Variants in SH3D21 observed in about 807,000 individuals in gnomAD.
SH3D21 encodes the protein manchette microtubule inner protein 1, also known as SH3 domain-containing protein 21.
SH3D21 carries 83 observed loss-of-function variants against 82.1 expected under a neutral mutation model. That is an observed-to-expected ratio of 1.01 (90% CI 0.85 to 1.21). The LOEUF (loss-of-function observed/expected upper bound fraction) is 1.21. SH3D21 is among the 50% of genes most tolerant of loss of function. The probability of loss-of-function intolerance (pLI) is 0.00; values close to 1 mark genes in which losing one functional copy is unlikely to be tolerated. For missense variants in SH3D21, 980 were observed against 962.1 expected (o/e 1.02, Z -0.25); for synonymous variants, 383 against 387.8 (o/e 0.99, Z 0.15).
downstream of SH3D21, among the ~76,000 whole-genome samples, chr1:36,326,422 G>C (rs749702790): frequency 1.8e-4 from 27 of 152,168 alleles, no homozygotes; most frequent in Non-Finnish European, 2.9e-4. Context: ...GTAGAGATGG[G>C]GTTTCTCCAT....
downstream of SH3D21, chr1:36,327,873 C>G (rs1646560693): frequency 1.6e-6 from 2 of 1,290,068 alleles, no homozygotes; most frequent in Non-Finnish European, 2.0e-6. Flanking sequence ...TCCCCACCCC[C>G]TGCCTAGCTG....
At chr1:36,322,268 G>T (rs1480682251), downstream of SH3D21, 2 of 1,470,886 alleles carry the variant, frequency 1.4e-6, no homozygotes, top group African/African-American at 2.9e-5. Flanking sequence ...GGTACCCCGA[G>T]CGCCTTGCAG....
Position 36,321,072 on chromosome 1 carries a change from G to A in SH3D21, c.2216G>A (p.Gly739Glu), listed in dbSNP as rs774313017. 2 of 1,612,154 alleles carry A rather than the reference G, an allele frequency of 1.2e-6. No homozygotes were observed. The highest frequency in any genetic ancestry group is 3.3e-5 in the Admixed American group (2 of 59,880). The change falls in exon 16 of 16, where the codon GGG becomes GAG. Residue 739 changes from glycine to glutamate, a missense_variant. Coordinates refer to ENST00000453908, the MANE Select transcript of SH3D21 (RefSeq NM_001162530.2). This position sits in a 1 kb window ranked among gnomAD's most constrained non-coding sequence, Gnocchi z 6.1. Reference protein sequence around the residue: ...RRRLEVQVMQGTQKSQTPRVI... With the variant: ...RRRLEVQVMQETQKSQTPRVI... ...CCCGACCAGGTCCAGGTGATGCAGG[G>A]GACCCAGAAGTCCCAGACCCCGCGC...
At chr1:36,315,934 G>A (rs1376108927) in intron 10 of SH3D21, among the ~76,000 whole-genome samples, 1 of 152,138 alleles carries the variant, frequency 6.6e-6, no homozygotes. Flanking sequence ...TTCATCTCTA[G>A]TAATTCCATT....
rs1415484534 is a variant in SH3D21 at position 36,320,608 on chromosome 1, A to T, written c.1945A>T (p.Ile649Leu). 1.2e-6 allele frequency: 2 copies of T among 1,614,130 alleles called. No homozygotes were observed. Among genetic ancestry groups the T allele is most frequent in the Admixed American group, 1.7e-5 (1 of 60,012 alleles). Residue 649 changes from isoleucine to leucine, a missense_variant, in exon 14 of 16, where the codon ATA becomes TTA. By Grantham distance (5) the Ile-to-Leu change is conservative. Coordinates refer to ENST00000453908, the MANE Select transcript of SH3D21 (RefSeq NM_001162530.2). The stretch of plus-strand genomic sequence containing the variant: ...GGCTCCAAAAGAGGAGGTGCCCCCC[A>T]TAGAAAGAGCCTTTGCCCAAAAAAC... The part of the protein sequence containing the change: ...EVAPKEEVPP[I>L]ERAFAQKTRP...
In SH3D21 at chr1:36,307,111, CA is replaced by C. The variant is rs1646141661; in HGVS notation, c.227-55del. On this transcript the variant is annotated intron_variant, in intron 3 of 15. Coordinates refer to ENST00000453908, the MANE Select transcript of SH3D21 (RefSeq NM_001162530.2). This position sits in a 1 kb window ranked among gnomAD's most constrained non-coding sequence, Gnocchi z 5.4. ...CTACGTGCGCGCCTTGCGCTTCCCC[CA>C]GCTCCTCTGACTGGGGCGTCCGACT... The C allele has an allele frequency of 2.6e-6, 4 of 1,546,754 alleles. No individual in the cohort carries two copies. In the South Asian group the frequency reaches 4.8e-5, roughly 19 times the overall value.
downstream of SH3D21, chr1:36,322,437 A>G (rs778420180): frequency 1.2e-6 from 2 of 1,603,954 alleles, no homozygotes; most frequent in Admixed American, 1.7e-5. Flanking sequence ...CGCCCGCTCC[A>G]GCTCCTCCGC....
In SH3D21 at chr1:36,307,578, T is replaced by A. The variant is rs1461551711; in HGVS notation, c.407T>A (p.Phe136Tyr). ...NGQLGAFPSN[F>Y]VELLDSGPPS... ...CAGCTGGGAGCCTTCCCATCCAACT[T>A]TGTGGAATTGCTGGACAGTGGGCCC... The change falls in exon 5 of 16, where the codon TTT becomes TAT. Residue 136 changes from phenylalanine to tyrosine, a missense_variant. By Grantham distance (22) the Phe-to-Tyr change is conservative. Transcript: ENST00000453908. The surrounding 1 kb of genome is among the most constrained non-coding windows in gnomAD (Gnocchi z 5.4). The A allele has an allele frequency of 6.4e-7, 1 of 1,551,434 alleles. No individual in the cohort carries two copies. Among genetic ancestry groups the A allele is most frequent in the Non-Finnish European group, 8.7e-7 (1 of 1,146,954 alleles).
At chr1:36,323,013 C>A, downstream of SH3D21, 1 of 1,599,442 alleles carries the variant, frequency 6.3e-7, no homozygotes, top group East Asian at 2.2e-5. Flanking sequence ...CTGAGCAACT[C>A]CATGTCCCTT....
At chr1:36,327,650 G>A (rs977111112), downstream of SH3D21, 35 of 1,192,928 alleles carry the variant, frequency 2.9e-5, no homozygotes, top group African/African-American at 5.4e-4. Context: ...GCAGGATGAG[G>A]GTTGAGATGA....
In SH3D21 at chr1:36,319,425, A is replaced by G; in HGVS notation, c.917-17A>G. On this transcript the variant is annotated splice_polypyrimidine_tract_variant and intron_variant, in intron 12 of 15. Transcript: ENST00000453908. Reference sequence around the variant, plus strand: ...GGGTCAGAGTAGGCTTGGGTCCCTGAGGTTCTGCTCTCTTAGGCCCCAATG... The same window carrying G: ...GGGTCAGAGTAGGCTTGGGTCCCTGGGGTTCTGCTCTCTTAGGCCCCAATG... 1 of 1,551,392 alleles carries G rather than the reference A, an allele frequency of 6.4e-7. No individual in the cohort carries two copies. The highest frequency in any genetic ancestry group is 1.7e-4 in the Middle Eastern group (1 of 5,992).
downstream of SH3D21, chr1:36,327,608 G>A (rs888971292): frequency 8.8e-7 from 1 of 1,142,394 alleles, no homozygotes; most frequent in East Asian, 6.0e-5. Flanking sequence ...TATGTGTTTG[G>A]AGTGGGTCAG....
chr1:36,316,322 C>G (rs1646342129), intron 10 of SH3D21, among the ~76,000 whole-genome samples: 1 of 152,200 alleles, frequency 6.6e-6, no homozygotes, highest in South Asian at 2.1e-4. Context: ...GCAACCTCCT[C>G]CTTCCGGGTT....
intron 12 of SH3D21, 25 bp downstream of exon 12, chr1:36,319,337 G>A (rs544491646): frequency 2.8e-5 from 43 of 1,550,802 alleles, no homozygotes; most frequent in East Asian, 4.9e-5. Flanking sequence ...CCTCCAGTGC[G>A]GGGAGGACTG....
downstream of SH3D21, among the ~76,000 whole-genome samples, chr1:36,325,689 C>T (rs372854209): frequency 7.3e-4 from 111 of 152,212 alleles, 2 homozygotes; most frequent in East Asian, 0.013. Flanking sequence ...GGACTACAGG[C>T]GCCTGCCACC....
chr1:36,322,721 G>T, downstream of SH3D21: 2 of 1,546,740 alleles, frequency 1.3e-6, no homozygotes, highest in Non-Finnish European at 1.7e-6. Flanking sequence ...AGCTCTCGGG[G>T]TTGGCTGCGG....
chr1:36,321,994 T>G, downstream of SH3D21: 6 of 1,189,122 alleles, frequency 5.0e-6, no homozygotes, highest in Non-Finnish European at 6.2e-6. This position sits in a 1 kb window ranked among gnomAD's most constrained non-coding sequence, Gnocchi z 6.1. Context: ...AGCCTGGGGG[T>G]CGCTGGGGGC....
chr1:36,310,898 T>TTGG (rs1424465051), intron 10 of SH3D21, among the ~76,000 whole-genome samples: 14 of 152,126 alleles, frequency 9.2e-5, no homozygotes, highest in Non-Finnish European at 1.8e-4. Flanking sequence ...TGCTGTTTTT[T>TTGG]TTGGTTTGTT....
rs1196077727 is a variant in SH3D21 at position 36,319,124 on chromosome 1, A to G, written c.823A>G (p.Lys275Glu). The G allele has an allele frequency of 1.3e-6, 2 of 1,551,634 alleles. No individual in the cohort carries two copies. The highest frequency in any genetic ancestry group is 1.7e-6 in the Non-Finnish European group (2 of 1,146,958). ...LMPKTSLPTV[K>E]KLATATTGPS... ...GCCCAAAACATCCCTCCCCACAGTCAAGAAGCTAGCAACAGCCACCACTGG... is the reference window on the plus strand; with the variant it reads ...GCCCAAAACATCCCTCCCCACAGTCGAGAAGCTAGCAACAGCCACCACTGG... The change falls in exon 11 of 16, where the codon AAG (lysine) becomes GAG (glutamate). Residue 275 changes from lysine (K) to glutamate (E), a missense_variant. Coordinates refer to ENST00000453908, the MANE Select transcript of SH3D21 (RefSeq NM_001162530.2).
Sources: allele counts gnomAD v4.1 joint callset (sites outside exome capture counted in the v4.1 genomes callset), GRCh38; gene constraint gnomAD v4.1.1; non-coding constraint Gnocchi (gnomAD v3.1); transcripts MANE v1.5; gene names NCBI Gene and HGNC (gene_info 2026-07-23, HGNC 2026-07-21).